The following PRKCA variants were observed in gnomAD, a reference collection of about 807,000 sequenced individuals.
The protein encoded by PRKCA is protein kinase C alpha type.
In PRKCA, 27 loss-of-function variants were observed where a neutral mutation model predicts 87.0. The observed-to-expected ratio is 0.31, with a 90% CI of 0.23 to 0.43. The LOEUF (loss-of-function observed/expected upper bound fraction) is 0.43, where lower values mean the gene tolerates loss of function less well. Among genes scored for constraint, PRKCA ranks in the 20% least tolerant of loss-of-function variants. The probability of loss-of-function intolerance (pLI) is 1.00; values close to 1 mark genes in which losing one functional copy is unlikely to be tolerated. For synonymous variants in PRKCA, 329 were observed against 311.1 expected (o/e 1.06, Z -0.61); for missense variants, 518 against 852.3 (o/e 0.61, Z 4.88).
chr17:66,346,111 T>G (rs1320486931), intron 2 of PRKCA, among the ~76,000 whole-genome samples: 1 of 151,004 alleles, frequency 6.6e-6, no homozygotes, highest in Admixed American at 6.6e-5. Context: ...TTTTTTTTTT[T>G]GAGATGGAGT....
chr17:66,712,200 A>C (rs960254398), intron 8 of PRKCA, among the ~76,000 whole-genome samples: 5 of 152,134 alleles, frequency 3.3e-5, no homozygotes, highest in Non-Finnish European at 5.9e-5. Flanking sequence ...TCACTCCAGG[A>C]GGTGGAAACA....
intron 5 of PRKCA, among the ~76,000 whole-genome samples, chr17:66,671,294 G>A (rs1247647047): frequency 1.3e-5 from 2 of 148,476 alleles, no homozygotes; most frequent in Admixed American, 6.7e-5. Context: ...AGCTCCACAC[G>A]ACAGAGGCAG....
chr17:66,375,979 A>G (rs561569739), intron 2 of PRKCA, among the ~76,000 whole-genome samples: 1 of 152,346 alleles, frequency 6.6e-6, no homozygotes, highest in South Asian at 2.1e-4. Context: ...CTTGCAAAAC[A>G]TGATTTACAA....
At chr17:66,354,337 T>C (rs1907920641) in intron 2 of PRKCA, among the ~76,000 whole-genome samples, 1 of 152,204 alleles carries the variant, frequency 6.6e-6, no homozygotes, top group Admixed American at 6.5e-5. Context: ...CTCTGCTCCA[T>C]GCAGGCAGGC....
At chr17:66,427,407 G>T (rs1912872585) in intron 2 of PRKCA, among the ~76,000 whole-genome samples, 1 of 152,248 alleles carries the variant, frequency 6.6e-6, no homozygotes, top group African/African-American at 2.4e-5. Flanking sequence ...TTGCATTGCA[G>T]TGGTGGAATT....
chr17:66,379,864 G>T lies in PRKCA; in HGVS notation c.205+73737G>T, dbSNP rs571820274. ...TGTTAGCAACTACACTTAGGTCTGT[G>T]ATCTTTTCGAGTTAATTTTTGAGGT... On this transcript the variant is annotated intron_variant, in intron 2 of 16. Coordinates refer to ENST00000413366, the MANE Select transcript of PRKCA (RefSeq NM_002737.3). 2.5e-4 allele frequency among the ~76,000 whole-genome samples: 38 copies of T among 152,114 alleles called. No individual in the cohort carries two copies. In the South Asian group the frequency reaches 7.7e-3, roughly 31 times the overall value.
intron 3 of PRKCA, among the ~76,000 whole-genome samples, chr17:66,563,863 T>C (rs1373999536): frequency 6.6e-6 from 1 of 152,244 alleles, no homozygotes; most frequent in African/African-American, 2.4e-5. Flanking sequence ...TAAAGTATCA[T>C]TAATTTCTTA....
At chr17:66,707,411 A>T (rs1973219583) in intron 8 of PRKCA, among the ~76,000 whole-genome samples, 1 of 152,040 alleles carries the variant, frequency 6.6e-6, no homozygotes, top group Admixed American at 6.6e-5. Flanking sequence ...CACTTTTTTG[A>T]CAGCCCAGAG....
chr17:66,687,555 A>C (rs991914374), intron 6 of PRKCA, among the ~76,000 whole-genome samples: 31 of 152,186 alleles, frequency 2.0e-4, no homozygotes, highest in African/African-American at 7.2e-4. Flanking sequence ...TTAAGCTAAA[A>C]ATGTGTCAGG....
intron 2 of PRKCA, among the ~76,000 whole-genome samples, chr17:66,492,395 TGACCTGCAAATCATA>T (rs1473584119): frequency 3.9e-5 from 6 of 152,324 alleles, no homozygotes; most frequent in African/African-American, 1.4e-4. Flanking sequence ...ATAATTGCAT[TGACCTGCAAATCATA>T]GACAGAAAGA....
intron 3 of PRKCA, among the ~76,000 whole-genome samples, chr17:66,527,379 T>G (rs1012863618): frequency 6.6e-6 from 1 of 152,214 alleles, no homozygotes; most frequent in South Asian, 2.1e-4. Context: ...CCTTAAAGTT[T>G]ATAAGGCGAC....
intron 5 of PRKCA, among the ~76,000 whole-genome samples, chr17:66,655,772 C>T (rs184869052): frequency 8.5e-5 from 13 of 152,266 alleles, no homozygotes; most frequent in Admixed American, 7.8e-4. Flanking sequence ...TACTGCACTC[C>T]TCACCCCAAA....
chr17:66,496,005 G>A (rs1429766943), intron 2 of PRKCA, among the ~76,000 whole-genome samples, 196 bp from the exon 3 acceptor site: 2 of 152,124 alleles, frequency 1.3e-5, no homozygotes, highest in Non-Finnish European at 2.9e-5. Context: ...GGCATTTTGG[G>A]ACTCTGTTAT....
chr17:66,666,091 T>A (rs753549944), intron 5 of PRKCA, among the ~76,000 whole-genome samples: 2 of 152,186 alleles, frequency 1.3e-5, no homozygotes, highest in African/African-American at 2.4e-5. Flanking sequence ...GAGCAATCAG[T>A]GTAGAGAAGA....
intron 2 of PRKCA, among the ~76,000 whole-genome samples, chr17:66,435,218 C>A (rs182043644): frequency 6.6e-6 from 1 of 152,204 alleles, no homozygotes; most frequent in Admixed American, 6.5e-5. Context: ...CTGGGGACTG[C>A]GTCCTGGCCC....
intron 5 of PRKCA, among the ~76,000 whole-genome samples, chr17:66,653,804 A>C (rs1429649416): frequency 1.4e-5 from 2 of 145,138 alleles, no homozygotes; most frequent in Non-Finnish European, 3.0e-5. Flanking sequence ...AAAAAAAAAA[A>C]AAAAACAAAA....
chr17:66,650,028 G>A (rs1971551057), intron 5 of PRKCA, among the ~76,000 whole-genome samples: 1 of 152,180 alleles, frequency 6.6e-6, no homozygotes, highest in African/African-American at 2.4e-5. Flanking sequence ...TAAACCATAA[G>A]CCATCACATG....
chr17:66,312,809 C>A (rs551152175), intron 2 of PRKCA, among the ~76,000 whole-genome samples: 14 of 146,918 alleles, frequency 9.5e-5, no homozygotes, highest in African/African-American at 3.5e-4. Context: ...CACAGTCTCA[C>A]TTCACTGCAA....
chr17:66,791,276 A>G (rs913104709), intron 16 of PRKCA, among the ~76,000 whole-genome samples: 2 of 151,950 alleles, frequency 1.3e-5, no homozygotes, highest in East Asian at 3.9e-4. Context: ...CAGGCCCTAA[A>G]ACTGGAGGTT....
Sources: gnomAD v4.1 joint callset for allele counts (sites outside exome capture counted in the v4.1 genomes callset) on GRCh38, gnomAD v4.1.1 for gene constraint, MANE v1.5 for transcripts, NCBI Gene and HGNC (gene_info 2026-07-23, HGNC 2026-07-21) for gene names.